MAP3K1: variants seen among roughly 807,000 people sequenced by gnomAD.
MAP3K1 encodes MAP/ERK kinase kinase 1.
Under a neutral mutation model 144.2 loss-of-function variants are expected in MAP3K1, and 36 were observed. The ratio of observed to expected loss-of-function variants is 0.25; its 90% CI spans 0.19 to 0.33. The LOEUF is 0.33. MAP3K1 is among the 10% of genes least tolerant of loss of function. MAP3K1 has a pLI of 1.00. For missense variants in MAP3K1, 1,650 were observed against 1,881.9 expected, an observed-to-expected ratio of 0.88 and a Z score of 2.28; for synonymous variants, 718 against 688.7, an observed-to-expected ratio of 1.04 and a Z score of -0.67.
chr5:56,819,411 G>A (rs1746084048), intron 1 of MAP3K1, among the ~76,000 whole-genome samples: 1 of 143,676 alleles, frequency 7.0e-6, no homozygotes, highest in African/African-American at 2.6e-5. Flanking sequence ...TGGGAAGAAA[G>A]GAGTGTTTTT....
intron 10 of MAP3K1, among the ~76,000 whole-genome samples, 161 bp downstream of exon 10, chr5:56,875,471 G>GTTTA (rs1747995820): frequency 6.6e-6 from 1 of 151,892 alleles, no homozygotes; most frequent in Non-Finnish European, 1.5e-5. Context: ...CTTTTGTTTT[G>GTTTA]TTTATTTGAA....
chr5:56,823,918 C>T (rs1746231130), intron 1 of MAP3K1, among the ~76,000 whole-genome samples: 1 of 151,934 alleles, frequency 6.6e-6, no homozygotes, highest in Non-Finnish European at 1.5e-5. Context: ...TATATTCACA[C>T]ATACATCTGT....
At chr5:56,867,328 G>A (rs1036895597) in intron 6 of MAP3K1, among the ~76,000 whole-genome samples, 1 of 152,044 alleles carries the variant, frequency 6.6e-6, no homozygotes, top group African/African-American at 2.4e-5. Flanking sequence ...ATAGATTTTT[G>A]TTTCGTATAA....
At chr5:56,880,471 A>G (rs939751109) in intron 11 of MAP3K1, among the ~76,000 whole-genome samples, 47 of 152,208 alleles carry the variant, frequency 3.1e-4, no homozygotes, top group African/African-American at 1.0e-3. Context: ...ACTTGCAAAG[A>G]GCCATTGTTG....
At chr5:56,873,109 C>T (rs1455881853) in intron 9 of MAP3K1, 104 bp downstream of exon 9, 1 of 1,078,388 alleles carries the variant, frequency 9.3e-7, no homozygotes. Context: ...AACACTTTTA[C>T]TTGCCTCCAT....
chr5:56,825,041 C>G (rs879603013), intron 1 of MAP3K1, among the ~76,000 whole-genome samples: 2 of 151,710 alleles, frequency 1.3e-5, no homozygotes, highest in Admixed American at 1.3e-4. Context: ...GAGTTTCGCT[C>G]TTGTTGCCCA....
intron 1 of MAP3K1, among the ~76,000 whole-genome samples, chr5:56,835,772 T>G (rs556032575): frequency 2.0e-5 from 3 of 152,092 alleles, no homozygotes; most frequent in African/African-American, 7.2e-5. Context: ...GGAAAAAGTT[T>G]TATTTGTGGT....
intron 1 of MAP3K1, among the ~76,000 whole-genome samples, chr5:56,817,386 G>T (rs1444049744): frequency 1.3e-5 from 2 of 152,170 alleles, no homozygotes; most frequent in Non-Finnish European, 2.9e-5. Flanking sequence ...GACAGTAGGA[G>T]TCCTTGGTTT....
intron 1 of MAP3K1, among the ~76,000 whole-genome samples, chr5:56,818,692 G>C (rs992111719): frequency 6.6e-6 from 1 of 152,000 alleles, no homozygotes; most frequent in Non-Finnish European, 1.5e-5. Flanking sequence ...AAATTACAGT[G>C]TTACTCTCCA....
rs71904716 is a variant in MAP3K1 at position 56,895,364 on chromosome 5, TTG to T, written c.*1686_*1687del. 0.52 allele frequency: 115,263 copies of T among 222,848 alleles called. 33,062 individuals are homozygous for T. The highest frequency in any genetic ancestry group is 0.65 in the Non-Finnish European group (74,020 of 114,572). The allele number at this position is 222,848 out of a possible 1,614,324, so 13.8% of individuals were successfully genotyped here. On this transcript the variant is annotated 3_prime_UTR_variant, in exon 20 of 20. Transcript: ENST00000399503. ...GTTGTACTTGACTTTCTTTTTTATTTTGTTTTTTTTTTTTTTTGACTACTTAG... is the reference window on the plus strand; with the variant it reads ...GTTGTACTTGACTTTCTTTTTTATTTTTTTTTTTTTTTTTTGACTACTTAG...
At chr5:56,839,702 C>G (rs770323505) in intron 1 of MAP3K1, among the ~76,000 whole-genome samples, 2 of 152,088 alleles carry the variant, frequency 1.3e-5, no homozygotes, top group Non-Finnish European at 2.9e-5. Context: ...TCTGGTTTCC[C>G]CCTGACACCC....
At position 56,815,996 on chromosome 5, in the gene MAP3K1, CGAGCCCGGG is replaced by C; in HGVS notation, c.427_435del (p.Pro143_Glu145del). The C allele has an allele frequency of 8.1e-7, 1 of 1,240,728 alleles. No individual in the cohort carries two copies. The allele number at this position is 1,240,728 out of a possible 1,614,324, so 76.9% of individuals were successfully genotyped here. On this transcript the variant is annotated inframe_deletion, in exon 1 of 20. Transcript: ENST00000399503. ...GCGGCGCCTCGAGTCCCGCAGCGGC[CGAGCCCGGG>C]GAGAAGCGGGCGCCCGCCGCCGAGC... is the stretch of plus-strand genomic sequence containing the variant.
Position 56,815,907 on chromosome 5 carries a change from C to G in MAP3K1, c.334C>G (p.Pro112Ala). ...GTGFQPVAVP[P>A]PHGAASRGGA... The stretch of plus-strand genomic sequence containing the variant: ...CGGCTTCCAGCCTGTGGCGGTGCCG[C>G]CGCCCCACGGAGCCGCGAGCCGCGG... Residue 112 changes from proline (P) to alanine (A), a missense_variant, in exon 1 of 20, where the codon CCG becomes GCG. Pro to Ala is a conservative substitution (Grantham distance 27). This residue lies in a region of MAP3K1 where 360 missense variants were observed against 274.7 expected (regional missense o/e 1.31). Coordinates refer to ENST00000399503, the MANE Select transcript of MAP3K1 (RefSeq NM_005921.2). 1 of 1,297,520 alleles carries G rather than the reference C, an allele frequency of 7.7e-7. No homozygotes were observed. Among genetic ancestry groups the G allele is most frequent in the Non-Finnish European group, 9.8e-7 (1 of 1,024,112 alleles). 80.4% of individuals were successfully genotyped at this position (1,297,520 alleles called of 1,614,324 possible). A position where few individuals can be genotyped will look rare whatever the true frequency, so the allele number is the denominator to read the frequency against.
intron 1 of MAP3K1, among the ~76,000 whole-genome samples, chr5:56,824,552 C>T (rs1746251879): frequency 6.6e-6 from 1 of 152,196 alleles, no homozygotes; most frequent in Non-Finnish European, 1.5e-5. Context: ...AGTCGGGGGC[C>T]ACCTAGCATT....
At chr5:56,883,321 A>G (rs927312757) in intron 14 of MAP3K1, among the ~76,000 whole-genome samples, 3 of 152,248 alleles carry the variant, frequency 2.0e-5, no homozygotes, top group African/African-American at 7.2e-5. Context: ...TTAAACAGCA[A>G]TAATTCTTGC....
At chr5:56,893,108 A>G (rs1301343711) in intron 19 of MAP3K1, among the ~76,000 whole-genome samples, 1 of 152,184 alleles carries the variant, frequency 6.6e-6, no homozygotes, top group Non-Finnish European at 1.5e-5. Context: ...TATGTATTAA[A>G]TTGACTCTTC....
chr5:56,880,966 A>T, intron 12 of MAP3K1, 117 bp from the exon 13 acceptor site: 2 of 1,063,966 alleles, frequency 1.9e-6, no homozygotes, highest in Non-Finnish European at 2.8e-6. Context: ...TCTGAGAGAG[A>T]AATTCTTTAA....
chr5:56,817,926 T>C (rs1486651196), intron 1 of MAP3K1, among the ~76,000 whole-genome samples: 2 of 152,226 alleles, frequency 1.3e-5, no homozygotes, highest in Non-Finnish European at 2.9e-5. Context: ...ATTTAGGGAC[T>C]AAGTAATCCA....
chr5:56,850,716 C>T (rs962229527), intron 1 of MAP3K1, among the ~76,000 whole-genome samples: 2 of 152,252 alleles, frequency 1.3e-5, no homozygotes, highest in Middle Eastern at 3.4e-3. Context: ...ACCCAGCCTC[C>T]CCAAGCCTCC....
Sources: gnomAD v4.1 joint callset for allele counts (sites outside exome capture counted in the v4.1 genomes callset) on GRCh38, gnomAD v4.1.1 for gene constraint, gnomAD v4.1.1 regional missense constraint, MANE v1.5 for transcripts, NCBI Gene and HGNC (gene_info 2026-07-23, HGNC 2026-07-21) for gene names.